GRM8: variants seen among roughly 807,000 people sequenced by gnomAD.
GRM8 encodes the protein glutamate metabotropic receptor 8, also known as metabotropic glutamate receptor 8.
Under a neutral mutation model 87.2 loss-of-function variants are expected in GRM8, and 47 were observed. The ratio of observed to expected loss-of-function variants is 0.54; its 90% CI spans 0.43 to 0.69. The LOEUF (loss-of-function observed/expected upper bound fraction) is 0.69. Among genes scored for constraint, GRM8 ranks in the 30% least tolerant of loss-of-function variants. The probability of loss-of-function intolerance (pLI) is 0.00; values close to 1 mark genes in which losing one functional copy is unlikely to be tolerated. For missense variants in GRM8, 1,019 were observed against 1,139.2 expected, an observed-to-expected ratio of 0.89 and a Z score of 1.52; for synonymous variants, 396 against 404.5, an observed-to-expected ratio of 0.98 and a Z score of 0.25.
intron 6 of GRM8, among the ~76,000 whole-genome samples, chr7:126,902,109 G>A (rs1442255173): frequency 1.3e-5 from 2 of 152,104 alleles, no homozygotes; most frequent in African/African-American, 2.4e-5. Context: ...TGCTATGCAG[G>A]ATTTAAGAAA....
At chr7:127,188,528 GA>G (rs1274889450) in intron 2 of GRM8, among the ~76,000 whole-genome samples, 2 of 151,868 alleles carry the variant, frequency 1.3e-5, no homozygotes. Context: ...CACTCACCTT[GA>G]AAAAAACCAT....
intron 2 of GRM8, chr7:127,230,000 A>T (rs1040333338): frequency 1.3e-5 from 2 of 152,242 alleles, no homozygotes; most frequent in African/African-American, 4.8e-5. Flanking sequence ...TGCATGTGGC[A>T]AATGAAAAAT....
intron 2 of GRM8, among the ~76,000 whole-genome samples, chr7:127,190,298 G>A (rs1481791741): frequency 6.6e-6 from 1 of 152,134 alleles, no homozygotes; most frequent in Non-Finnish European, 1.5e-5. Flanking sequence ...ACACAGCAGA[G>A]CCCAGGAACA....
At chr7:127,078,967 T>G (rs1326984783) in intron 3 of GRM8, among the ~76,000 whole-genome samples, 3 of 152,098 alleles carry the variant, frequency 2.0e-5, no homozygotes, top group Non-Finnish European at 2.9e-5. Context: ...ATGAAAGAAA[T>G]AGGAAATTTC....
At chr7:126,817,152 C>A (rs1586057375) in intron 6 of GRM8, among the ~76,000 whole-genome samples, 2 of 151,778 alleles carry the variant, frequency 1.3e-5, no homozygotes, top group Admixed American at 1.3e-4. Context: ...TTCTATTTTT[C>A]TTTAAAATGG....
intron 7 of GRM8, among the ~76,000 whole-genome samples, chr7:126,636,432 CT>C (rs1585311290): frequency 6.6e-6 from 1 of 151,888 alleles, no homozygotes; most frequent in East Asian, 1.9e-4. Context: ...TTACTTATAC[CT>C]AATACAAGGT....
At chr7:127,087,846 A>C (rs1410448193) in intron 3 of GRM8, among the ~76,000 whole-genome samples, 1 of 152,216 alleles carries the variant, frequency 6.6e-6, no homozygotes, top group African/African-American at 2.4e-5. Flanking sequence ...AGTCTCACCT[A>C]TCACATATAC....
intron 3 of GRM8, among the ~76,000 whole-genome samples, chr7:127,019,068 C>A (rs1330396414): frequency 6.6e-6 from 1 of 151,872 alleles, no homozygotes; most frequent in Non-Finnish European, 1.5e-5. Context: ...AGGAAGTGAT[C>A]AAAGTAGGGA....
At chr7:126,995,081 G>T (rs1486771771) in intron 3 of GRM8, among the ~76,000 whole-genome samples, 1 of 152,214 alleles carries the variant, frequency 6.6e-6, no homozygotes. Context: ...GAAAGTAGCA[G>T]AAGATAACGA....
chr7:127,105,025 A>C (rs1013692825), intron 3 of GRM8, among the ~76,000 whole-genome samples: 1 of 152,212 alleles, frequency 6.6e-6, no homozygotes, highest in Non-Finnish European at 1.5e-5. Flanking sequence ...ACTTATTTCA[A>C]TACATACTCT....
intron 8 of GRM8, among the ~76,000 whole-genome samples, chr7:126,593,028 A>G (rs1337651829): frequency 6.6e-6 from 1 of 152,012 alleles, no homozygotes; most frequent in African/African-American, 2.4e-5. Flanking sequence ...TACAAAAAAT[A>G]AAACATTTGT....
chr7:126,733,618 A>G (rs1341472086), intron 7 of GRM8, among the ~76,000 whole-genome samples: 1 of 151,964 alleles, frequency 6.6e-6, no homozygotes, highest in Non-Finnish European at 1.5e-5. Context: ...TCCACAAAAA[A>G]CAGTGTAGTT....
chr7:126,866,996 TG>T (rs1278538247), intron 6 of GRM8, among the ~76,000 whole-genome samples: 3 of 152,258 alleles, frequency 2.0e-5, no homozygotes, highest in African/African-American at 7.2e-5. Context: ...TGACATGATT[TG>T]GGGCGTATTA....
At chr7:126,913,470 C>A (rs2402839) in intron 3 of GRM8, among the ~76,000 whole-genome samples, 9 of 152,178 alleles carry the variant, frequency 5.9e-5, no homozygotes, top group African/African-American at 1.4e-4. Context: ...AATTAAACAT[C>A]TTTTGATCTA....
At chr7:126,994,025 G>A (rs1330525037) in intron 3 of GRM8, among the ~76,000 whole-genome samples, 2 of 152,174 alleles carry the variant, frequency 1.3e-5, no homozygotes. Flanking sequence ...GGGAGTGCTT[G>A]TGCAACTCCT....
chr7:126,691,661 T>C (rs748322730), intron 7 of GRM8, among the ~76,000 whole-genome samples: 8 of 152,148 alleles, frequency 5.3e-5, no homozygotes, highest in Non-Finnish European at 8.8e-5. Flanking sequence ...TAAGACAATA[T>C]TGGAGGAATG....
chr7:126,559,345 G>T (rs1793464567), intron 8 of GRM8, among the ~76,000 whole-genome samples: 1 of 151,640 alleles, frequency 6.6e-6, no homozygotes, highest in Non-Finnish European at 1.5e-5. Flanking sequence ...GCCAATTTTT[G>T]CATTTTTAGT....
chr7:126,613,824 TG>T, intron 7 of GRM8, among the ~76,000 whole-genome samples: 1 of 152,112 alleles, frequency 6.6e-6, no homozygotes, highest in Non-Finnish European at 1.5e-5. Flanking sequence ...GCAGCGAGGC[TG>T]GGGGAGGGGC....
intron 7 of GRM8, among the ~76,000 whole-genome samples, chr7:126,763,193 C>A (rs1817779311): frequency 6.6e-6 from 1 of 151,136 alleles, no homozygotes; most frequent in Non-Finnish European, 1.5e-5. Flanking sequence ...TTTAAAGAAT[C>A]AAACATGGCA....
Sources: gnomAD v4.1 joint callset for allele counts (sites outside exome capture counted in the v4.1 genomes callset) on GRCh38, gnomAD v4.1.1 for gene constraint, MANE v1.5 for transcripts, NCBI Gene and HGNC (gene_info 2026-07-23, HGNC 2026-07-21) for gene names.